PDS5B: variants seen among roughly 807,000 people sequenced by gnomAD.
The protein encoded by PDS5B is sister chromatid cohesion protein PDS5 homolog B.
Under a neutral mutation model 184.1 loss-of-function variants are expected in PDS5B, and 51 were observed. The ratio of observed to expected loss-of-function variants is 0.28; its 90% CI spans 0.22 to 0.35. PDS5B has a LOEUF of 0.35. PDS5B is among the 10% of genes least tolerant of loss of function. The pLI is 1.00. For synonymous variants in PDS5B, 566 were observed against 569.2 expected, an observed-to-expected ratio of 0.99 and a Z score of 0.08; for missense variants, 1,180 against 1,723.3, an observed-to-expected ratio of 0.68 and a Z score of 5.58.
intron 18 of PDS5B, 58 bp from the exon 19 acceptor site, chr13:32,709,888 G>A: frequency 9.6e-7 from 1 of 1,040,560 alleles, no homozygotes; most frequent in Non-Finnish European, 1.3e-6. Context: ...TAATATTTTG[G>A]ATTTGTATTA....
At chr13:32,695,925 T>G (rs1158725749) in intron 14 of PDS5B, among the ~76,000 whole-genome samples, 1 of 152,062 alleles carries the variant, frequency 6.6e-6, no homozygotes, top group African/African-American at 2.4e-5. Flanking sequence ...ACAGTAAAGA[T>G]GGAGTTCTCA....
chr13:32,668,815 C>T (rs1265257928), intron 7 of PDS5B, among the ~76,000 whole-genome samples: 2 of 152,150 alleles, frequency 1.3e-5, no homozygotes, highest in African/African-American at 4.8e-5. Context: ...TGAAATATAT[C>T]ATGAAAAGAT....
intron 1 of PDS5B, among the ~76,000 whole-genome samples, chr13:32,591,847 G>A (rs2057780250): frequency 1.3e-5 from 2 of 152,152 alleles, no homozygotes; most frequent in South Asian, 4.1e-4. Context: ...AGCTAAGATG[G>A]TCTGAGAGAA....
intron 1 of PDS5B, among the ~76,000 whole-genome samples, chr13:32,590,259 G>A (rs556146521): frequency 6.6e-6 from 1 of 152,292 alleles, no homozygotes; most frequent in South Asian, 2.1e-4. Flanking sequence ...TATTCCACTA[G>A]CCTGCCATTC....
chr13:32,683,599 C>A (rs985573786), intron 10 of PDS5B, among the ~76,000 whole-genome samples: 8 of 152,066 alleles, frequency 5.3e-5, no homozygotes, highest in Admixed American at 5.2e-4. Flanking sequence ...GGATTACAGG[C>A]ATGAGCCACC....
At chr13:32,726,950 T>A (rs1161641567) in intron 19 of PDS5B, among the ~76,000 whole-genome samples, 1 of 152,164 alleles carries the variant, frequency 6.6e-6, no homozygotes, top group African/African-American at 2.4e-5. Flanking sequence ...TTTAAATAAA[T>A]GTCCTAGTTG....
At chr13:32,662,359 CAT>C (rs760142211) in intron 6 of PDS5B, among the ~76,000 whole-genome samples, 23 of 152,174 alleles carry the variant, frequency 1.5e-4, no homozygotes, top group South Asian at 6.2e-4. Context: ...TCCATTTTAA[CAT>C]GTGTTTTAGT....
At chr13:32,642,229 G>T (rs914072480) in intron 1 of PDS5B, among the ~76,000 whole-genome samples, 7 of 151,894 alleles carry the variant, frequency 4.6e-5, no homozygotes, top group African/African-American at 1.5e-4. Context: ...TAATTTCTTC[G>T]AATAGTTCTG....
Position 32,773,314 on chromosome 13 carries a change from C to G in PDS5B, c.4298C>G (p.Ser1433Cys). 6.2e-7 allele frequency: 1 copy of G among 1,611,548 alleles called. No individual in the cohort carries two copies. ...PQEETEEEEVSTVNVRRRSAK... is the reference protein window; with the variant it reads ...PQEETEEEEVCTVNVRRRSAK... ...GAAGAAACAGAGGAGGAGGAAGTTTCTACAGTAAATGTATGTGTTCAAAGT... is the reference window on the plus strand; with the variant it reads ...GAAGAAACAGAGGAGGAGGAAGTTTGTACAGTAAATGTATGTGTTCAAAGT... The change falls in exon 34 of 35, where the codon TCT (serine) becomes TGT (cysteine). Residue 1433 changes from serine to cysteine, a missense_variant. Physicochemically the swap from Ser to Cys is moderately radical, Grantham distance 112. Transcript: ENST00000315596.
intron 21 of PDS5B, 28 bp downstream of exon 21, chr13:32,735,358 C>G (rs750642753): frequency 2.6e-6 from 4 of 1,530,924 alleles, no homozygotes; most frequent in Non-Finnish European, 3.6e-6. Flanking sequence ...GATTCATGTT[C>G]TTTGTAATGT....
At chr13:32,605,619 G>T (rs951934787) in intron 1 of PDS5B, among the ~76,000 whole-genome samples, 1 of 152,128 alleles carries the variant, frequency 6.6e-6, no homozygotes, top group Admixed American at 6.5e-5. Context: ...TCAAGTCCTG[G>T]ATATCCTTGT....
chr13:32,716,099 G>T (rs1221436237), intron 19 of PDS5B, among the ~76,000 whole-genome samples: 3 of 152,096 alleles, frequency 2.0e-5, no homozygotes, highest in Admixed American at 1.3e-4. Flanking sequence ...GGGAAGTGAG[G>T]AGCGTCTCTG....
At chr13:32,745,448 G>A (rs1953708196) in intron 23 of PDS5B, among the ~76,000 whole-genome samples, 1 of 152,222 alleles carries the variant, frequency 6.6e-6, no homozygotes, top group Non-Finnish European at 1.5e-5. Context: ...GAATTTTGTA[G>A]TATTAGACAA....
At chr13:32,681,935 G>A (rs1246079788) in intron 10 of PDS5B, among the ~76,000 whole-genome samples, 1 of 152,046 alleles carries the variant, frequency 6.6e-6, no homozygotes, top group East Asian at 1.9e-4. Flanking sequence ...TAATATACAG[G>A]AGAAACAAAA....
At chr13:32,729,481 C>A (rs1279355705) in intron 19 of PDS5B, among the ~76,000 whole-genome samples, 1 of 152,136 alleles carries the variant, frequency 6.6e-6, no homozygotes, top group Non-Finnish European at 1.5e-5. Context: ...ATTGCTGGGT[C>A]AAGTGGTATT....
At chr13:32,621,908 G>C (rs2058307282) in intron 1 of PDS5B, among the ~76,000 whole-genome samples, 1 of 152,048 alleles carries the variant, frequency 6.6e-6, no homozygotes, top group East Asian at 1.9e-4. Flanking sequence ...GGTCTTTTAA[G>C]AAAAAGTTTG....
chr13:32,606,585 C>G (rs919556916), intron 1 of PDS5B, among the ~76,000 whole-genome samples: 12 of 152,124 alleles, frequency 7.9e-5, no homozygotes, highest in African/African-American at 2.9e-4. Flanking sequence ...GTGGTGTTCT[C>G]TGTATTTCCT....
At chr13:32,740,621 A>G (rs539320027) in intron 21 of PDS5B, among the ~76,000 whole-genome samples, 3 of 152,234 alleles carry the variant, frequency 2.0e-5, no homozygotes, top group East Asian at 3.9e-4. Context: ...GTACTTGCAC[A>G]TGATCACCTC....
chr13:32,670,261 G>A (rs964871012), intron 7 of PDS5B, among the ~76,000 whole-genome samples: 6 of 152,102 alleles, frequency 3.9e-5, no homozygotes, highest in African/African-American at 1.4e-4. Flanking sequence ...CTGTCACCCA[G>A]GCTGGAGTTC....
Sources: gnomAD v4.1 joint callset for allele counts (sites outside exome capture counted in the v4.1 genomes callset) on GRCh38, gnomAD v4.1.1 for gene constraint, MANE v1.5 for transcripts, NCBI Gene and HGNC (gene_info 2026-07-23, HGNC 2026-07-21) for gene names.